Variants in SORD observed in about 807,000 individuals in gnomAD.
The protein encoded by SORD is sorbitol dehydrogenase, also known as (R,R)-butanediol dehydrogenase.
A neutral mutation model predicts 35.6 loss-of-function variants in SORD; 18 were observed. The ratio of observed to expected loss-of-function variants is 0.51; its 90% CI spans 0.35 to 0.75. The LOEUF (loss-of-function observed/expected upper bound fraction) is 0.75. Ranked by LOEUF, SORD falls within the 30% of genes least tolerant of loss-of-function variation. SORD has a pLI of 0.01. For missense variants in SORD, 250 were observed against 390.2 expected (o/e 0.64, Z 3.03); for synonymous variants, 106 against 152.9 (o/e 0.69, Z 2.26).
chr15:45,044,913 G>A (rs1893023545), intron 3 of SORD, among the ~76,000 whole-genome samples: 1 of 152,002 alleles, frequency 6.6e-6, no homozygotes, highest in Non-Finnish European at 1.5e-5. Flanking sequence ...GGCCAGGCTG[G>A]TCTTGAACTC....
At chr15:45,036,363 A>G (rs1416339616) in intron 1 of SORD, 1 of 455,962 alleles carries the variant, frequency 2.2e-6, no homozygotes, top group Admixed American at 2.4e-5. Context: ...GAATTACTCA[A>G]TTCCTTTTAG....
At chr15:45,024,098 G>C (rs184137353) in intron 1 of SORD, among the ~76,000 whole-genome samples, 1 of 152,230 alleles carries the variant, frequency 6.6e-6, no homozygotes, top group African/African-American at 2.4e-5. Context: ...CCTGCCTTTT[G>C]CTCCCTGGCT....
At chr15:45,063,780 G>T (rs1893361311) in intron 4 of SORD, among the ~76,000 whole-genome samples, 1 of 152,192 alleles carries the variant, frequency 6.6e-6, no homozygotes, top group Admixed American at 6.5e-5. Flanking sequence ...GTCCCTGAGA[G>T]AGTTTAGGAA....
chr15:45,062,495 G>T (rs1196642575), intron 4 of SORD, among the ~76,000 whole-genome samples: 1 of 151,908 alleles, frequency 6.6e-6, no homozygotes, highest in South Asian at 2.1e-4. Context: ...AGCCAGGATG[G>T]GGCTTGTCCG....
intron 1 of SORD, among the ~76,000 whole-genome samples, chr15:45,033,733 T>C (rs1892818082): frequency 6.9e-6 from 1 of 145,238 alleles, no homozygotes; most frequent in Non-Finnish European, 1.5e-5. Flanking sequence ...TTATTTTCCT[T>C]GTAAGGTGAG....
At chr15:45,037,866 C>T (rs1892895049) in intron 1 of SORD, among the ~76,000 whole-genome samples, 1 of 151,888 alleles carries the variant, frequency 6.6e-6, no homozygotes, top group Non-Finnish European at 1.5e-5. Flanking sequence ...GGCTTCAAAC[C>T]TAGGTGACAG....
At chr15:45,038,180 C>G (rs1034053885) in intron 1 of SORD, among the ~76,000 whole-genome samples, 3 of 129,600 alleles carry the variant, frequency 2.3e-5, no homozygotes, top group African/African-American at 1.0e-4. Flanking sequence ...TCCTTCCTTC[C>G]TTCCTTCCTT....
chr15:45,068,235 T>C lies in SORD; in HGVS notation c.599T>C (p.Val200Ala). Residue 200 changes from valine (V) to alanine (A), a missense_variant, in exon 6 of 9, where the codon GTA becomes GCA. Around this residue, in one of 8 missense-constraint regions of SORD, gnomAD observed 126 missense variants for 148.7 expected, o/e 0.85. Coordinates refer to ENST00000267814, the MANE Select transcript of SORD (RefSeq NM_003104.6). ...GCCAAAGCAATGGGAGCAGCTCAAG[T>C]AGTGGTGACTGGTAAGACTTTGTTC... ...LVAKAMGAAQVVVTDLSATRL... is the reference protein window; with the variant it reads ...LVAKAMGAAQAVVTDLSATRL... The C allele has an allele frequency of 6.2e-7, 1 of 1,612,568 alleles. No homozygotes were observed. The highest frequency in any genetic ancestry group is 8.5e-7 in the Non-Finnish European group (1 of 1,178,550).
chr15:45,063,439 A>T (rs1297642675), intron 4 of SORD, among the ~76,000 whole-genome samples: 2 of 151,142 alleles, frequency 1.3e-5, no homozygotes, highest in East Asian at 4.0e-4. Flanking sequence ...TTCTCCATCA[A>T]CCCCCACTGG....
chr15:45,054,589 G>A (rs1459705542), intron 3 of SORD, among the ~76,000 whole-genome samples: 1 of 152,114 alleles, frequency 6.6e-6, no homozygotes, highest in African/African-American at 2.4e-5. Context: ...CTCCCATTTT[G>A]TAGGTTGCCT....
At chr15:45,034,078 T>C (rs1178582572) in intron 1 of SORD, among the ~76,000 whole-genome samples, 4 of 152,068 alleles carry the variant, frequency 2.6e-5, no homozygotes, top group African/African-American at 9.7e-5. Flanking sequence ...AAGGACAAGA[T>C]TGTCCAGGGT....
chr15:45,025,624 C>CTAAAAA (rs1892656250), intron 1 of SORD, among the ~76,000 whole-genome samples: 1 of 68,254 alleles, frequency 1.5e-5, no homozygotes, highest in African/African-American at 4.7e-5. Context: ...AAAACTATGT[C>CTAAAAA]AAAAAAAAAA....
chr15:45,067,200 A>G (rs565233160), intron 5 of SORD, among the ~76,000 whole-genome samples: 54 of 152,130 alleles, frequency 3.5e-4, no homozygotes, highest in Admixed American at 2.0e-3. Flanking sequence ...CGTCTCTACT[A>G]AAAATACAAA....
chr15:45,050,781 A>T (rs1893112215), intron 3 of SORD: 1 of 152,274 alleles, frequency 6.6e-6, no homozygotes, highest in Admixed American at 6.5e-5. Flanking sequence ...GAAAGAAACA[A>T]ACATACTCCA....
intron 1 of SORD, among the ~76,000 whole-genome samples, chr15:45,026,168 A>G (rs2437858): frequency 7.2e-5 from 11 of 152,330 alleles, no homozygotes; most frequent in Non-Finnish European, 1.6e-4. Flanking sequence ...TGCCCAACCC[A>G]GACCCCGAGT....
At chr15:45,040,596 A>G (rs1276620450) in intron 2 of SORD, among the ~76,000 whole-genome samples, 155 bp downstream of exon 2, 1 of 152,196 alleles carries the variant, frequency 6.6e-6, no homozygotes, top group East Asian at 1.9e-4. Context: ...AACAGAGTCT[A>G]CTGCCCACAG....
At chr15:45,047,376 C>A (rs1893061856) in intron 3 of SORD, among the ~76,000 whole-genome samples, 1 of 152,128 alleles carries the variant, frequency 6.6e-6, no homozygotes, top group Non-Finnish European at 1.5e-5. Flanking sequence ...AGGTTCCTAA[C>A]ATCCTCTTCA....
intron 1 of SORD, among the ~76,000 whole-genome samples, chr15:45,030,498 T>G (rs1331852904): frequency 2.0e-5 from 3 of 152,236 alleles, no homozygotes; most frequent in African/African-American, 7.2e-5. Flanking sequence ...CATTCAAATT[T>G]TGCAAAGTAA....
chr15:45,042,490 T>C (rs1031293115), intron 2 of SORD: 1 of 148,550 alleles, frequency 6.7e-6, no homozygotes, highest in Non-Finnish European at 1.5e-5. Context: ...AGACTCTGTC[T>C]AAAAATAAAA....
Sources: allele counts gnomAD v4.1 joint callset (sites outside exome capture counted in the v4.1 genomes callset), GRCh38; gene constraint gnomAD v4.1.1; regional missense constraint gnomAD v4.1.1; transcripts MANE v1.5; gene names NCBI Gene and HGNC (gene_info 2026-07-23, HGNC 2026-07-21).